RALGPS1: variants seen among roughly 807,000 people sequenced by gnomAD.
RALGPS1 encodes Ral GEF with PH domain and SH3 binding motif 1.
A neutral mutation model predicts 78.8 loss-of-function variants in RALGPS1; 19 were observed. The ratio of observed to expected loss-of-function variants is 0.24; its 90% CI spans 0.17 to 0.35. The LOEUF is 0.35. Among genes scored for constraint, RALGPS1 ranks in the 10% least tolerant of loss-of-function variants. RALGPS1 has a pLI of 1.00. For synonymous variants in RALGPS1, 228 were observed against 256.3 expected, an observed-to-expected ratio of 0.89 and a Z score of 1.06; for missense variants, 454 against 688.3, an observed-to-expected ratio of 0.66 and a Z score of 3.81.
chr9:127,035,546 T>C (rs555286233), intron 5 of RALGPS1, among the ~76,000 whole-genome samples: 2 of 152,324 alleles, frequency 1.3e-5, no homozygotes, highest in South Asian at 4.1e-4. Flanking sequence ...TGACTGGCCC[T>C]CTGGGTGATG....
At chr9:126,931,328 A>G (rs1564268253) in intron 1 of RALGPS1, among the ~76,000 whole-genome samples, 1 of 152,238 alleles carries the variant, frequency 6.6e-6, no homozygotes. Context: ...GGGCAGCCTC[A>G]TAGCAACATT....
intron 5 of RALGPS1, among the ~76,000 whole-genome samples, chr9:127,039,967 T>C (rs572605104): frequency 2.8e-4 from 43 of 152,124 alleles, no homozygotes; most frequent in Admixed American, 2.1e-3. Flanking sequence ...AGGTAGTAGG[T>C]GGTTTTCTCT....
At chr9:127,018,172 G>A (rs1015203449) in intron 4 of RALGPS1, among the ~76,000 whole-genome samples, 1 of 151,582 alleles carries the variant, frequency 6.6e-6, no homozygotes, top group African/African-American at 2.4e-5. Context: ...CCGACATTGC[G>A]CCACTGCACT....
chr9:126,940,333 A>C (rs1332549592), intron 1 of RALGPS1, among the ~76,000 whole-genome samples: 1 of 152,102 alleles, frequency 6.6e-6, no homozygotes, highest in Non-Finnish European at 1.5e-5. Flanking sequence ...AAGCCACGTA[A>C]ATTCTGCTAC....
Position 127,052,122 on chromosome 9 carries a change from A to G in RALGPS1, c.391-725A>G, listed in dbSNP as rs545306462. Among the ~76,000 whole-genome samples the G allele has an allele frequency of 7.5e-4, 114 of 152,316 alleles. 2 individuals are homozygous for G. The highest frequency in any genetic ancestry group is 3.9e-4 in the Admixed American group (6 of 15,298). The stretch of plus-strand genomic sequence containing the variant: ...AGGATTAGGACACACAAGTAGTGGG[A>G]GCTGGGATTGGAACCAGGTCTTTTG... On this transcript the variant is annotated intron_variant, in intron 6 of 18. Transcript: ENST00000259351.
At chr9:127,054,089 A>C (rs1359300544) in intron 7 of RALGPS1, among the ~76,000 whole-genome samples, 1 of 152,142 alleles carries the variant, frequency 6.6e-6, no homozygotes, top group Non-Finnish European at 1.5e-5. Context: ...CACTATTTCC[A>C]CCAGAGCAGC....
chr9:127,008,152 A>C (rs2044020883), intron 4 of RALGPS1, among the ~76,000 whole-genome samples: 1 of 151,954 alleles, frequency 6.6e-6, no homozygotes, highest in African/African-American at 2.4e-5. Flanking sequence ...AAAAAAAAAA[A>C]AAATGATGTG....
rs1301665678 is a variant in RALGPS1 at position 127,205,293 on chromosome 9, T to C, written c.1247+6227T>C. ...CGTCGAGGGATCACTAGGGTTCTCTTCACCAAATGTCCTCTGGGTGGCAGC... is the reference window on the plus strand; with the variant it reads ...CGTCGAGGGATCACTAGGGTTCTCTCCACCAAATGTCCTCTGGGTGGCAGC... On this transcript the variant is annotated intron_variant, in intron 14 of 18. Coordinates refer to ENST00000259351, the MANE Select transcript of RALGPS1 (RefSeq NM_014636.3). The surrounding 1 kb of genome is among the most constrained non-coding windows in gnomAD (Gnocchi z 4.0). Among the ~76,000 whole-genome samples the C allele has an allele frequency of 6.6e-6, 1 of 152,188 alleles. No individual in the cohort carries two copies. Among genetic ancestry groups the C allele is most frequent in the Non-Finnish European group, 1.5e-5 (1 of 68,026 alleles).
At chr9:126,958,126 T>TAAAAA (rs11290290) in intron 1 of RALGPS1, among the ~76,000 whole-genome samples, 19 of 77,542 alleles carry the variant, frequency 2.5e-4, no homozygotes, top group South Asian at 1.1e-3. Context: ...GCTGTCTCTT[T>TAAAAA]AAAAAAAAAA....
At chr9:127,156,365 C>T (rs527550381) in intron 8 of RALGPS1, among the ~76,000 whole-genome samples, 3 of 152,108 alleles carry the variant, frequency 2.0e-5, no homozygotes, top group Non-Finnish European at 4.4e-5. Context: ...CCAAATTCTC[C>T]TCCCAAAAGT....
Position 127,081,744 on chromosome 9 carries a change from G to A in RALGPS1, c.610+12388G>A, listed in dbSNP as rs964193718. Among the ~76,000 whole-genome samples the A allele has an allele frequency of 1.4e-4, 22 of 152,224 alleles. 1 individual carries two copies. The highest frequency in any genetic ancestry group is 5.3e-4 in the African/African-American group (22 of 41,446). On this transcript the variant is annotated intron_variant, in intron 8 of 18. Coordinates refer to ENST00000259351, the MANE Select transcript of RALGPS1 (RefSeq NM_014636.3). ...ACTGTGAGCCCTTCAGCTTCAGGAT[G>A]TGCTGCAGCAGTGGGGAGGGAACAT... is the stretch of plus-strand genomic sequence containing the variant.
At chr9:127,181,926 C>T (rs1282722075) in intron 11 of RALGPS1, among the ~76,000 whole-genome samples, 1 of 151,918 alleles carries the variant, frequency 6.6e-6, no homozygotes, top group Middle Eastern at 3.2e-3. Flanking sequence ...GATGTGAAAT[C>T]CCAGAATAAT....
In RALGPS1 at chr9:126,920,661, C is replaced by A. The variant is rs545976106; in HGVS notation, c.-66+5686C>A. ...GGGCCTCCTTTCGTGGCAGAGAATACACTTGACTTTCTTCAGGTGGGCATT... is the reference window on the plus strand; with the variant it reads ...GGGCCTCCTTTCGTGGCAGAGAATAAACTTGACTTTCTTCAGGTGGGCATT... On this transcript the variant is annotated intron_variant, in intron 1 of 18. Coordinates refer to ENST00000259351, the MANE Select transcript of RALGPS1 (RefSeq NM_014636.3). Among the ~76,000 whole-genome samples, 6 of 152,306 alleles carry A rather than the reference C, an allele frequency of 3.9e-5. No homozygotes were observed. In the East Asian group the frequency reaches 1.2e-3, roughly 29 times the overall value.
At chr9:127,052,319 A>C (rs1216372928) in intron 6 of RALGPS1, among the ~76,000 whole-genome samples, 1 of 152,232 alleles carries the variant, frequency 6.6e-6, no homozygotes, top group Non-Finnish European at 1.5e-5. Flanking sequence ...ATGGTAAGAA[A>C]CTTGTCTGAG....
At position 127,091,397 on chromosome 9, in the gene RALGPS1, G is replaced by A. The variant is rs1488052405; in HGVS notation, c.610+22041G>A. On this transcript the variant is annotated intron_variant, in intron 8 of 18. Coordinates refer to ENST00000259351, the MANE Select transcript of RALGPS1 (RefSeq NM_014636.3). The surrounding 1 kb of genome is among the most constrained non-coding windows in gnomAD (Gnocchi z 4.3). ...TGTCTTTCTGCATTGGCCCCAGCTG[G>A]CCCTGGTACGTGTGATTTGTATACC... is the stretch of plus-strand genomic sequence containing the variant. 1.3e-5 allele frequency among the ~76,000 whole-genome samples: 2 copies of A among 152,192 alleles called. No individual in the cohort carries two copies. Among genetic ancestry groups the A allele is most frequent in the Non-Finnish European group, 2.9e-5 (2 of 68,046 alleles).
At chr9:126,990,193 C>G in intron 4 of RALGPS1, 1 of 644,152 alleles carries the variant, frequency 1.6e-6, no homozygotes, top group Non-Finnish European at 2.6e-6. Context: ...ATTGGTTTCC[C>G]TGACATCATT....
chr9:126,994,023 A>G (rs1053021027), intron 4 of RALGPS1, among the ~76,000 whole-genome samples: 4 of 152,124 alleles, frequency 2.6e-5, no homozygotes, highest in Non-Finnish European at 4.4e-5. Context: ...CCAAAAACCC[A>G]TCTGTACGTC....
intron 11 of RALGPS1, among the ~76,000 whole-genome samples, chr9:127,186,080 T>C (rs942275137): frequency 1.2e-4 from 18 of 152,140 alleles, no homozygotes; most frequent in African/African-American, 4.3e-4. Context: ...AAGGCTGTTG[T>C]TAGGAGGCTC....
In RALGPS1 at chr9:127,154,901, G is replaced by A. The variant is rs139647409; in HGVS notation, c.611-11168G>A. On this transcript the variant is annotated intron_variant, in intron 8 of 18. Transcript: ENST00000259351. ...AGTAGCAAATCTCTGAGCCAGGGTT[G>A]GAAAGACAAGCTCAAGAGTGTTTTC... is the stretch of plus-strand genomic sequence containing the variant. Among the ~76,000 whole-genome samples, 1,385 of 152,284 alleles carry A rather than the reference G, an allele frequency of 9.1e-3. 11 individuals are homozygous for A. Among genetic ancestry groups the A allele is most frequent in the Non-Finnish European group, 0.014 (982 of 68,016 alleles).
Sources: allele counts gnomAD v4.1 joint callset (sites outside exome capture counted in the v4.1 genomes callset), GRCh38; gene constraint gnomAD v4.1.1; non-coding constraint Gnocchi (gnomAD v3.1); transcripts MANE v1.5; gene names NCBI Gene and HGNC (gene_info 2026-07-23, HGNC 2026-07-21).